The following DHX8 variants were observed in gnomAD, a reference collection of about 807,000 sequenced individuals.
DHX8 encodes DEAH-box helicase 8.
In DHX8, 67 loss-of-function variants were observed where a neutral mutation model predicts 140.7. The ratio of observed to expected loss-of-function variants is 0.48; its 90% CI spans 0.39 to 0.58. The LOEUF (loss-of-function observed/expected upper bound fraction) is 0.58, where lower values mean the gene tolerates loss of function less well. DHX8 is among the 20% of genes least tolerant of loss of function. The pLI is 0.00. For synonymous variants in DHX8, 533 were observed against 553.2 expected (o/e 0.96, Z 0.51); for missense variants, 887 against 1,550.7 (o/e 0.57, Z 7.19).
chr17:43,520,721 A>C, intron 19 of DHX8, 30 bp from the exon 20 acceptor site: 2 of 1,613,650 alleles, frequency 1.2e-6, no homozygotes, highest in South Asian at 2.2e-5. Flanking sequence ...TCCACAGGGA[A>C]GCAGTTGTAG....
At position 43,536,499 on chromosome 17, in the gene DHX8, G is replaced by T; in HGVS notation, c.*20+1G>T. The T allele has an allele frequency of 6.2e-7, 1 of 1,613,898 alleles. No individual in the cohort carries two copies. The highest frequency in any genetic ancestry group is 8.5e-7 in the Non-Finnish European group (1 of 1,179,792). ...CCTGAGCTGCAGAGAGAAGTCAGAG[G>T]TGAGTTTGGGGCGGAGCCCTGGTTG... is the stretch of plus-strand genomic sequence containing the variant. On this transcript the variant is annotated splice_donor_variant, in intron 3 of 3. Transcript: ENST00000589898. LOFTEE classifies it low-confidence loss of function (3UTR_SPLICE).
Position 43,520,847 on chromosome 17 carries a change from C to T in DHX8, c.3034C>T (p.Leu1012=), listed in dbSNP as rs199602896. ...SEEMLTIVSM[L]SVQNVFYRPK... ...GGAAATGCTGACCATTGTATCCATGCTGTCTGTGCAGAACGTCTTCTATAG... is the reference window on the plus strand; with the variant it reads ...GGAAATGCTGACCATTGTATCCATGTTGTCTGTGCAGAACGTCTTCTATAG... The change falls in exon 20 of 23, where the codon CTG becomes TTG. Residue 1012 remains leucine, a synonymous_variant. Coordinates refer to ENST00000262415, the MANE Select transcript of DHX8 (RefSeq NM_004941.3). 8.9e-5 allele frequency: 144 copies of T among 1,613,626 alleles called. No homozygotes were observed. The highest frequency in any genetic ancestry group is 1.1e-4 in the Non-Finnish European group (134 of 1,179,880).
At chr17:43,530,434 G>A, downstream of DHX8, 1 of 1,397,330 alleles carries the variant, frequency 7.2e-7, no homozygotes, top group South Asian at 1.5e-5. Flanking sequence ...GGCTGGGCAA[G>A]CTGTTCTGAA....
At chr17:43,514,570 C>T (rs1478156029) in intron 17 of DHX8, among the ~76,000 whole-genome samples, 1 of 151,916 alleles carries the variant, frequency 6.6e-6, no homozygotes, top group African/African-American at 2.4e-5. Context: ...AAATGAATTA[C>T]CCGATCACTT....
rs944737541 is a variant in DHX8 at position 43,524,056 on chromosome 17, C to G, written c.*209C>G. 3.0e-5 allele frequency: 43 copies of G among 1,411,558 alleles called. 1 individual carries two copies. The Middle Eastern group carries it at 7.9e-4, about 26-fold the overall frequency. 87.4% of individuals were successfully genotyped at this position (1,411,558 alleles called of 1,614,324 possible). On this transcript the variant is annotated 3_prime_UTR_variant, in exon 23 of 23. Transcript: ENST00000262415. ...CAAGAGCCTGCAGCCTCCATCACCC[C>G]AAGTCCTTGGGCCCAGTTGGGAGCT...
intron 3 of DHX8, 130 bp downstream of exon 3, chr17:43,490,593 C>A: frequency 2.6e-6 from 2 of 759,198 alleles, no homozygotes; most frequent in Admixed American, 3.0e-5. Context: ...TTCAAATGGG[C>A]TGGGCCTAGC....
At chr17:43,530,969 A>G (rs1970899703), downstream of DHX8, among the ~76,000 whole-genome samples, 1 of 152,134 alleles carries the variant, frequency 6.6e-6, no homozygotes. Flanking sequence ...GGGGAGGGGC[A>G]GGAGTTCAAG....
chr17:43,542,599 C>T (rs1971579867), intron 3 of DHX8, among the ~76,000 whole-genome samples: 1 of 152,168 alleles, frequency 6.6e-6, no homozygotes, highest in South Asian at 2.1e-4. Flanking sequence ...CCTAGCCTCA[C>T]ATCATTCACC....
chr17:43,493,754 G>T lies in DHX8; in HGVS notation c.1080G>T (p.Glu360Asp), dbSNP rs148880713. The T allele has an allele frequency of 6.2e-7, 1 of 1,614,230 alleles. No individual in the cohort carries two copies. The highest frequency in any genetic ancestry group is 1.1e-5 in the South Asian group (1 of 91,080). ...RRRNLVGETN[E>D]ETSMRNPDRP... ...GAAATCTTGTCGGGGAGACCAATGA[G>T]GAGACCTCAATGCGGAATCCTGATA... Residue 360 changes from glutamate (E) to aspartate (D), a missense_variant, in exon 8 of 23, where the codon GAG (glutamate) becomes GAT (aspartate). By Grantham distance (45) the Glu-to-Asp change is conservative. Coordinates refer to ENST00000262415, the MANE Select transcript of DHX8 (RefSeq NM_004941.3).
intron 17 of DHX8, among the ~76,000 whole-genome samples, chr17:43,515,575 A>T (rs1033043501): frequency 6.6e-6 from 1 of 152,188 alleles, no homozygotes; most frequent in Non-Finnish European, 1.5e-5. Context: ...TGTGGTAGAT[A>T]TTATTTTCAC....
chr17:43,511,677 C>G (rs771577876), intron 16 of DHX8, among the ~76,000 whole-genome samples: 1 of 150,314 alleles, frequency 6.7e-6, no homozygotes, highest in Non-Finnish European at 1.5e-5. Flanking sequence ...TGGCTGGTCT[C>G]GAACTCCTGA....
At chr17:43,493,077 G>A in intron 6 of DHX8, 37 bp downstream of exon 6, 1 of 1,579,720 alleles carries the variant, frequency 6.3e-7, no homozygotes, top group Non-Finnish European at 8.6e-7. Context: ...ACCAGTGATG[G>A]GCAGAATTTC....
At chr17:43,506,978 C>CAT (rs1313766119) in intron 12 of DHX8, 25 bp from the exon 13 acceptor site, 12 of 1,512,734 alleles carry the variant, frequency 7.9e-6, no homozygotes, top group Non-Finnish European at 9.8e-6. Context: ...TTTTAATGAC[C>CAT]ATATTTATAT....
chr17:43,494,504 G>A (rs1029102068), intron 8 of DHX8, among the ~76,000 whole-genome samples: 7 of 151,856 alleles, frequency 4.6e-5, no homozygotes, highest in African/African-American at 9.7e-5. Flanking sequence ...GGCGGGTCAC[G>A]AGCTCAGGAG....
At chr17:43,537,426 G>A (rs1226532854) in intron 3 of DHX8, among the ~76,000 whole-genome samples, 1 of 151,982 alleles carries the variant, frequency 6.6e-6, no homozygotes, top group African/African-American at 2.4e-5. Context: ...GGGCGCAGTG[G>A]TTCATGCCTG....
At chr17:43,490,326 C>T in intron 2 of DHX8, 65 bp from the exon 3 acceptor site, 2 of 1,281,826 alleles carry the variant, frequency 1.6e-6, no homozygotes, top group Admixed American at 1.8e-5. Context: ...CATTCTTTGC[C>T]TTTTAAGTGT....
chr17:43,522,224 A>T lies in DHX8; in HGVS notation c.3441A>T (p.Glu1147Asp), dbSNP rs1252601293. ...GTGCCCTCTTCAACAGACAGCCAGA[A>T]TGGTAGGTGGACATGTCCCAGGGTC... ...PSSALFNRQP[E>D]WVVYHELVLT... Residue 1147 changes from glutamate (E) to aspartate (D), a missense_variant and splice_region_variant, in exon 22 of 23, where the codon GAA becomes GAT. By Grantham distance (45) the Glu-to-Asp change is conservative (BLOSUM62 2). This residue lies in a region of DHX8 where 101 missense variants were observed against 168.2 expected (regional missense o/e 0.60). Coordinates refer to ENST00000262415, the MANE Select transcript of DHX8 (RefSeq NM_004941.3). 2 of 1,612,552 alleles carry T rather than the reference A, an allele frequency of 1.2e-6. No individual in the cohort carries two copies. Among genetic ancestry groups the T allele is most frequent in the African/African-American group, 1.3e-5 (1 of 74,888 alleles).
At chr17:43,528,289 G>C (rs1157900489), downstream of DHX8, 6 of 457,788 alleles carry the variant, frequency 1.3e-5, no homozygotes, top group Non-Finnish European at 2.3e-5. Flanking sequence ...CAGGGCCCAG[G>C]TGAAACCCCC....
At chr17:43,535,522 G>A (rs1054376027) in intron 2 of DHX8, among the ~76,000 whole-genome samples, 3 of 151,974 alleles carry the variant, frequency 2.0e-5, no homozygotes, top group Non-Finnish European at 4.4e-5. Context: ...TGTGATCCAC[G>A]CGCCTCAGCC....
Sources: allele counts gnomAD v4.1 joint callset (sites outside exome capture counted in the v4.1 genomes callset), GRCh38; gene constraint gnomAD v4.1.1; regional missense constraint gnomAD v4.1.1; transcripts MANE v1.5; gene names NCBI Gene and HGNC (gene_info 2026-07-23, HGNC 2026-07-21).